HEG1: variants seen among roughly 807,000 people sequenced by gnomAD.
HEG1 encodes the protein heart development protein with EGF like domains 1.
A neutral mutation model predicts 125.6 loss-of-function variants in HEG1; 56 were observed. The observed-to-expected ratio is 0.45, with a 90% CI of 0.36 to 0.56. HEG1 has a LOEUF of 0.56. Among genes scored for constraint, HEG1 ranks in the 20% least tolerant of loss-of-function variants. The pLI, the probability that HEG1 is intolerant of heterozygous loss-of-function variation, is 0.00. For synonymous variants in HEG1, 644 were observed against 668.5 expected, an observed-to-expected ratio of 0.96 and a Z score of 0.57; for missense variants, 1,523 against 1,670.0, an observed-to-expected ratio of 0.91 and a Z score of 1.53.
At chr3:124,976,973 C>T (rs1267133293) in intron 15 of HEG1, among the ~76,000 whole-genome samples, 1 of 152,116 alleles carries the variant, frequency 6.6e-6, no homozygotes, top group Non-Finnish European at 1.5e-5. Flanking sequence ...CGGCTATGTC[C>T]CCATCCAAAT....
chr3:124,990,748 C>T (rs749032985), intron 14 of HEG1, 39 bp downstream of exon 14: 5 of 1,548,596 alleles, frequency 3.2e-6, no homozygotes, highest in Non-Finnish European at 8.7e-7. Flanking sequence ...CAGGGCCAGG[C>T]CCCTGCCCAC....
chr3:125,046,979 C>G (rs141746400), intron 1 of HEG1, among the ~76,000 whole-genome samples: 1 of 152,234 alleles, frequency 6.6e-6, no homozygotes. Flanking sequence ...GCTTTCTATG[C>G]GTTCATCTGG....
At chr3:125,014,605 G>T in intron 5 of HEG1, 3 of 959,336 alleles carry the variant, frequency 3.1e-6, no homozygotes, top group Non-Finnish European at 4.0e-6. Flanking sequence ...TAAAGAGCTT[G>T]TAAGGCACTT....
At chr3:125,047,900 C>G (rs1937701729) in intron 1 of HEG1, among the ~76,000 whole-genome samples, 1 of 152,228 alleles carries the variant, frequency 6.6e-6, no homozygotes, top group South Asian at 2.1e-4. Flanking sequence ...CTGCCCTCTT[C>G]TTGTCACTTT....
chr3:125,022,554 A>G (rs192909824), intron 3 of HEG1, among the ~76,000 whole-genome samples: 224 of 152,258 alleles, frequency 1.5e-3, no homozygotes, highest in African/African-American at 5.2e-3. Flanking sequence ...CAGGCAATCT[A>G]TAAAACTAGT....
intron 15 of HEG1, among the ~76,000 whole-genome samples, chr3:124,976,635 C>T (rs1936546842): frequency 6.6e-6 from 1 of 152,088 alleles, no homozygotes; most frequent in Non-Finnish European, 1.5e-5. Context: ...TTGTCCCCAC[C>T]CAGTCTCATG....
At chr3:125,006,676 A>G (rs1000816998) in intron 8 of HEG1, among the ~76,000 whole-genome samples, 8 of 152,212 alleles carry the variant, frequency 5.3e-5, no homozygotes, top group Non-Finnish European at 1.0e-4. Context: ...TTCTTGGCCA[A>G]ATGAAAGCAT....
intron 5 of HEG1, chr3:125,014,778 T>A (rs1937218175): frequency 2.3e-6 from 3 of 1,289,624 alleles, no homozygotes; most frequent in Non-Finnish European, 3.0e-6. Flanking sequence ...CACGTTTACG[T>A]GCAGAGAGGC....
At chr3:125,054,584 G>A (rs1316273885) in intron 1 of HEG1, among the ~76,000 whole-genome samples, 1 of 152,194 alleles carries the variant, frequency 6.6e-6, no homozygotes, top group Non-Finnish European at 1.5e-5. Flanking sequence ...TCAATGTCCA[G>A]TGTTGCAAGC....
Position 125,029,269 on chromosome 3 carries a change from G to A in HEG1, c.536C>T (p.Thr179Ile), listed in dbSNP as rs1937461506. Residue 179 changes from threonine (T) to isoleucine (I), a missense_variant, in exon 2 of 17, where the codon ACA becomes ATA. By Grantham distance (89) the Thr-to-Ile change is moderately conservative (BLOSUM62 -1). Coordinates refer to ENST00000311127, the MANE Select transcript of HEG1 (RefSeq NM_020733.2). Reference protein sequence around the residue: ...ARGRSGSSSRTNFTILPVGYS... With the variant: ...ARGRSGSSSRINFTILPVGYS... ...CCCAACAGGCAAAATGGTGAAGTTT[G>A]TTCTACTTGAAGAGCCGCTCCTTCC... 2 of 1,613,750 alleles carry A rather than the reference G, an allele frequency of 1.2e-6. No homozygotes were observed. Among genetic ancestry groups the A allele is most frequent in the Non-Finnish European group, 1.7e-6 (2 of 1,179,774 alleles).
intron 5 of HEG1, 121 bp from the exon 6 acceptor site, chr3:125,014,111 C>T: frequency 1.1e-6 from 1 of 934,048 alleles, no homozygotes; most frequent in South Asian, 1.8e-5. Flanking sequence ...GAAACACTTG[C>T]TTTGGAGAGG....
chr3:125,013,632 C>G lies in HEG1; in HGVS notation c.1947G>C (p.Leu649=), dbSNP rs767635582. The part of the protein sequence containing the change: ...TINMPNTSVV[L]DTDAEFVSDS... Reference sequence around the variant, plus strand: ...CACTAACAAACTCAGCATCAGTGTCCAGAACAACCGAAGTGTTCGGCATAT... The same window carrying G: ...CACTAACAAACTCAGCATCAGTGTCGAGAACAACCGAAGTGTTCGGCATAT... The change falls in exon 6 of 17, where the codon CTG becomes CTC. Residue 649 remains leucine (L), a synonymous_variant. Coordinates refer to ENST00000311127, the MANE Select transcript of HEG1 (RefSeq NM_020733.2). 8.1e-6 allele frequency: 13 copies of G among 1,599,226 alleles called. No individual in the cohort carries two copies. In the African/African-American group the frequency reaches 1.8e-4, roughly 23 times the overall value.
rs556348727 is a variant in HEG1, at chr3:125,014,655, G to A, written c.1589-665C>T. On this transcript the variant is annotated intron_variant, in intron 5 of 16. Coordinates refer to ENST00000311127, the MANE Select transcript of HEG1 (RefSeq NM_020733.2). Reference sequence around the variant, plus strand: ...TAACTGAATCATCCCAGGACGGTGAGTAAATTAATAGATGAGCTGAAGGGA... The same window carrying A: ...TAACTGAATCATCCCAGGACGGTGAATAAATTAATAGATGAGCTGAAGGGA... The A allele has an allele frequency of 6.2e-5, 74 of 1,187,872 alleles. No homozygotes were observed. The African/African-American group carries it at 1.1e-3, about 18-fold the overall frequency. The allele number at this position is 1,187,872 out of a possible 1,614,324, so 73.6% of individuals were successfully genotyped here. A position where few individuals can be genotyped will look rare whatever the true frequency, so the allele number is the denominator to read the frequency against.
At chr3:125,047,238 G>A (rs547497887) in intron 1 of HEG1, among the ~76,000 whole-genome samples, 9 of 152,374 alleles carry the variant, frequency 5.9e-5, no homozygotes, top group South Asian at 2.1e-4. Context: ...GGCAAGGTGC[G>A]ATGGGAGGGT....
At chr3:125,016,393 G>A (rs1937247258) in intron 5 of HEG1, among the ~76,000 whole-genome samples, 1 of 152,148 alleles carries the variant, frequency 6.6e-6, no homozygotes, top group Admixed American at 6.5e-5. Context: ...TGAACTCCAA[G>A]ATCTGATCAC....
chr3:124,978,750 G>A (rs541415661), intron 14 of HEG1, among the ~76,000 whole-genome samples: 3 of 151,114 alleles, frequency 2.0e-5, no homozygotes, highest in Admixed American at 6.6e-5. Context: ...GCTGTGAGCC[G>A]AGATCAAACC....
intron 12 of HEG1, among the ~76,000 whole-genome samples, chr3:124,992,855 G>T (rs1338633727): frequency 6.6e-6 from 1 of 152,220 alleles, no homozygotes; most frequent in Non-Finnish European, 1.5e-5. Flanking sequence ...CTGTGCACCT[G>T]GACAGCACTG....
At chr3:125,007,147 C>G (rs967420510) in intron 8 of HEG1, among the ~76,000 whole-genome samples, 1 of 142,194 alleles carries the variant, frequency 7.0e-6, no homozygotes, top group Admixed American at 7.3e-5. Flanking sequence ...TGCAGTGAGC[C>G]GAGATCCCGC....
At chr3:125,050,894 GA>G (rs1937791160) in intron 1 of HEG1, among the ~76,000 whole-genome samples, 2 of 152,242 alleles carry the variant, frequency 1.3e-5, no homozygotes, top group Non-Finnish European at 2.9e-5. Context: ...TATGCCTGAT[GA>G]ATGGTGAGTG....
Sources: gnomAD v4.1 joint callset for allele counts (sites outside exome capture counted in the v4.1 genomes callset) on GRCh38, gnomAD v4.1.1 for gene constraint, MANE v1.5 for transcripts, NCBI Gene and HGNC (gene_info 2026-07-23, HGNC 2026-07-21) for gene names.